Variants in FANCM observed in about 807,000 individuals in gnomAD.
FANCM encodes Fanconi anemia group M protein.
In FANCM, 140 loss-of-function variants were observed where a neutral mutation model predicts 199.5. The observed-to-expected ratio is 0.70, with a 90% CI of 0.61 to 0.81. The LOEUF is 0.81. Ranked by LOEUF, FANCM falls within the 30% of genes least tolerant of loss-of-function variation. FANCM has a pLI of 0.00. For synonymous variants in FANCM, 840 were observed against 836.8 expected (o/e 1.00, Z -0.07); for missense variants, 2,410 against 2,421.4 (o/e 1.00, Z 0.10).
intron 10 of FANCM, among the ~76,000 whole-genome samples, chr14:45,166,145 CAAAAA>C (rs913327657): frequency 3.4e-5 from 5 of 147,750 alleles, no homozygotes; most frequent in African/African-American, 1.2e-4. Context: ...AAAAAAAAAA[CAAAAA>C]AAACGGAGTC....
intron 17 of FANCM, among the ~76,000 whole-genome samples, chr14:45,184,271 T>C (rs924174656): frequency 4.6e-5 from 7 of 152,214 alleles, no homozygotes; most frequent in African/African-American, 1.7e-4. Flanking sequence ...ACTTGGAAAA[T>C]GTTCTCAGTA....
In FANCM at chr14:45,176,512, A is replaced by G. The variant is rs45604036; in HGVS notation, c.3758A>G (p.Asn1253Ser). 0.029 allele frequency: 46,257 copies of G among 1,604,822 alleles called. 812 individuals carry two copies. The highest frequency in any genetic ancestry group is 0.036 in the South Asian group (3,212 of 89,436). The change falls in exon 14 of 23, where the codon AAT becomes AGT. Residue 1253 changes from asparagine to serine, a missense_variant. Asn to Ser is a conservative substitution (Grantham distance 46). Coordinates refer to ENST00000267430, the MANE Select transcript of FANCM (RefSeq NM_020937.4). Reference sequence around the variant, plus strand: ...ATATTGGAACATACATCAGATAGCAATAGACCTCTAGATGATCTATATGGA... The same window carrying G: ...ATATTGGAACATACATCAGATAGCAGTAGACCTCTAGATGATCTATATGGA... ...DEILEHTSDS[N>S]RPLDDLYGRY...
chr14:45,167,291 C>A, intron 11 of FANCM, 128 bp downstream of exon 11: 1 of 694,234 alleles, frequency 1.4e-6, no homozygotes, highest in Non-Finnish European at 2.6e-6. Context: ...TAGGCATTCT[C>A]TTTGGAAAGG....
At chr14:45,145,919 C>T (rs1490770180) in intron 3 of FANCM, among the ~76,000 whole-genome samples, 55 of 151,426 alleles carry the variant, frequency 3.6e-4, no homozygotes, top group African/African-American at 1.3e-3. Context: ...ATTAGCCGGG[C>T]GTAGTGGCGG....
intron 6 of FANCM, 133 bp from the exon 7 acceptor site, chr14:45,154,564 A>G: frequency 1.6e-6 from 1 of 629,334 alleles, no homozygotes; most frequent in African/African-American, 1.8e-5. Flanking sequence ...TAGAACTGCA[A>G]AAAGTTTCTG....
chr14:45,137,980 T>C (rs1001148355), intron 2 of FANCM: 3 of 152,050 alleles, frequency 2.0e-5, no homozygotes, highest in South Asian at 2.1e-4. Context: ...AGAAGGGATG[T>C]AGGATGACTT....
intron 17 of FANCM, 146 bp from the exon 18 acceptor site, chr14:45,185,071 T>C (rs1050927642): frequency 6.6e-5 from 42 of 632,778 alleles, no homozygotes; most frequent in African/African-American, 6.1e-4. Flanking sequence ...CATGCATCAC[T>C]GCACTGGGCC....
Position 45,176,882 on chromosome 14 carries a change from A to T in FANCM, c.4128A>T (p.Ala1376=). 1 of 1,609,092 alleles carries T rather than the reference A, an allele frequency of 6.2e-7. No individual in the cohort carries two copies. The highest frequency in any genetic ancestry group is 1.1e-5 in the South Asian group (1 of 90,688). The change falls in exon 14 of 23, where the codon GCA becomes GCT. Residue 1376 remains alanine, a synonymous_variant. Transcript: ENST00000267430. Reference sequence around the variant, plus strand: ...TAAACCTACAAAGATTCAAAGAAGCATTGAATTCAACTTTTGATTATTCAG... The same window carrying T: ...TAAACCTACAAAGATTCAAAGAAGCTTTGAATTCAACTTTTGATTATTCAG... ...EKVNLQRFKE[A]LNSTFDYSEF...
Position 45,154,709 on chromosome 14 carries a change from C to G in FANCM, c.1196C>G (p.Ser399Ter), listed in dbSNP as rs1166587869. ...IMDGTKGMTR[S>*]KNELGRNEDF... ...TTAATTTCTGAAGGGATGACACGGT[C>G]AAAAAATGAACTTGGCCGAAATGAA... The change falls in exon 7 of 23, where the codon TCA (serine) becomes TGA (stop). Residue 399 changes from serine to a stop codon, truncating the protein, a stop_gained. Transcript: ENST00000267430. LOFTEE classifies it high-confidence loss of function. 6.3e-6 allele frequency: 10 copies of G among 1,597,184 alleles called. No homozygotes were observed. The highest frequency in any genetic ancestry group is 7.7e-6 in the Non-Finnish European group (9 of 1,168,138).
At chr14:45,150,821 T>C (rs1274697067) in intron 4 of FANCM, among the ~76,000 whole-genome samples, 6 of 152,200 alleles carry the variant, frequency 3.9e-5, no homozygotes. Context: ...GTTCCCTCCA[T>C]TGGAATGTAA....
chr14:45,181,676 G>T lies in FANCM; in HGVS notation c.4357G>T (p.Val1453Phe). ...NSEVDSPLHA[V>F]KKRRFPINRS... ...TGAAGTTGATTCTCCACTTCATGCT[G>T]TCAAAAAGCGCAGATTTCCTATAAA... Residue 1453 changes from valine (V) to phenylalanine (F), a missense_variant, in exon 16 of 23, where the codon GTC becomes TTC. By Grantham distance (50) the Val-to-Phe change is conservative. Transcript: ENST00000267430. The T allele has an allele frequency of 6.2e-7, 1 of 1,610,706 alleles. No individual in the cohort carries two copies. Among genetic ancestry groups the T allele is most frequent in the Middle Eastern group, 1.7e-4 (1 of 5,976 alleles).
At chr14:45,153,521 A>G (rs1261261859) in intron 5 of FANCM, among the ~76,000 whole-genome samples, 1 of 152,234 alleles carries the variant, frequency 6.6e-6, no homozygotes, top group Non-Finnish European at 1.5e-5. Flanking sequence ...TTTCCATTGT[A>G]TCTAGCTCAG....
At position 45,188,832 on chromosome 14, in the gene FANCM, G is replaced by C; in HGVS notation, c.4810G>C (p.Asp1604His). The C allele has an allele frequency of 1.2e-6, 2 of 1,613,022 alleles. No homozygotes were observed. The highest frequency in any genetic ancestry group is 1.7e-6 in the Non-Finnish European group (2 of 1,179,632). The change falls in exon 20 of 23, where the codon GAT becomes CAT. Residue 1604 changes from aspartate to histidine, a missense_variant. Transcript: ENST00000267430. ...TGAACAAGATGAAACCTATTTAGAG[G>C]ATAGTTTTTGTGTTGATGAAGAGGA... ...IPEQDETYLE[D>H]SFCVDEEESC...
intron 13 of FANCM, among the ~76,000 whole-genome samples, chr14:45,174,606 C>A (rs902251363): frequency 6.6e-6 from 1 of 152,082 alleles, no homozygotes; most frequent in Non-Finnish European, 1.5e-5. Context: ...TACAACCTAG[C>A]AGACATACAG....
chr14:45,194,744 G>T (rs758167471), intron 20 of FANCM, among the ~76,000 whole-genome samples: 4 of 151,524 alleles, frequency 2.6e-5, no homozygotes, highest in Non-Finnish European at 5.9e-5. Context: ...TAATTTCTTG[G>T]AGTTGCTGTA....
Position 45,175,922 on chromosome 14 carries a change from T to C in FANCM, c.3168T>C (p.Cys1056=). The C allele has an allele frequency of 6.2e-7, 1 of 1,612,792 alleles. No homozygotes were observed. The highest frequency in any genetic ancestry group is 1.1e-5 in the South Asian group (1 of 91,036). ...ATTTAGAATTGAATTCACTTAAATG[T>C]ATAAATTATCCATCTGAAAAAAGTT... ...QQNLELNSLK[C]INYPSEKSCL... is the part of the protein sequence containing the mutation. The change falls in exon 14 of 23, where the codon TGT becomes TGC. Residue 1056 remains cysteine, a synonymous_variant. Transcript: ENST00000267430.
At chr14:45,150,178 AG>A (rs1886715039) in intron 4 of FANCM, among the ~76,000 whole-genome samples, 1 of 152,256 alleles carries the variant, frequency 6.6e-6, no homozygotes, top group Non-Finnish European at 1.5e-5. Flanking sequence ...CCTTTCTTAA[AG>A]AGACATTTTG....
chr14:45,178,218 A>G (rs1367762485), intron 14 of FANCM, among the ~76,000 whole-genome samples: 2 of 152,206 alleles, frequency 1.3e-5, no homozygotes, highest in Non-Finnish European at 2.9e-5. Context: ...CTGGAAATAC[A>G]TTTAATTTTC....
At chr14:45,195,558 G>C (rs759112418) in intron 20 of FANCM, 68 of 456,316 alleles carry the variant, frequency 1.5e-4, no homozygotes, top group Non-Finnish European at 2.8e-4. Context: ...CACAGGATTT[G>C]GCAGATTACT....
Sources: gnomAD v4.1 joint callset for allele counts (sites outside exome capture counted in the v4.1 genomes callset) on GRCh38, gnomAD v4.1.1 for gene constraint, MANE v1.5 for transcripts, NCBI Gene and HGNC (gene_info 2026-07-23, HGNC 2026-07-21) for gene names.